Variants in RPH3A observed in about 807,000 individuals in gnomAD.
RPH3A encodes rabphilin 3A.
RPH3A carries 48 observed loss-of-function variants against 102.2 expected under a neutral mutation model. The observed-to-expected ratio is 0.47, with a 90% CI of 0.37 to 0.60. RPH3A has a LOEUF of 0.60. Ranked by LOEUF, RPH3A falls within the 20% of genes least tolerant of loss-of-function variation. The probability of loss-of-function intolerance (pLI) is 0.00; values close to 1 mark genes in which losing one functional copy is unlikely to be tolerated. For synonymous variants in RPH3A, 310 were observed against 324.3 expected (o/e 0.96, Z 0.47); for missense variants, 781 against 910.1 (o/e 0.86, Z 1.83).
At chr12:112,638,723 A>G (rs910378802) in intron 1 of RPH3A, among the ~76,000 whole-genome samples, 1 of 152,072 alleles carries the variant, frequency 6.6e-6, no homozygotes, top group Non-Finnish European at 1.5e-5. Context: ...ACCATCTCTC[A>G]CAGGACCACT....
intron 1 of RPH3A, among the ~76,000 whole-genome samples, chr12:112,692,824 T>C (rs976683698): frequency 2.6e-5 from 4 of 152,322 alleles, no homozygotes; most frequent in East Asian, 1.9e-4. Context: ...TCATTAGTCA[T>C]AGCCTTTAGT....
At chr12:112,712,579 G>A (rs901796461) in intron 1 of RPH3A, among the ~76,000 whole-genome samples, 1 of 152,084 alleles carries the variant, frequency 6.6e-6, no homozygotes, top group Non-Finnish European at 1.5e-5. Flanking sequence ...TCACAGCCCT[G>A]TCCCCAATCA....
intron 1 of RPH3A, among the ~76,000 whole-genome samples, chr12:112,613,143 G>C (rs887559041): frequency 6.6e-5 from 10 of 152,130 alleles, no homozygotes; most frequent in Non-Finnish European, 1.3e-4. Context: ...CACAGATGAG[G>C]AAACTGAGAC....
intron 1 of RPH3A, among the ~76,000 whole-genome samples, chr12:112,783,342 C>A (rs187786698): frequency 6.6e-6 from 1 of 152,112 alleles, no homozygotes; most frequent in East Asian, 1.9e-4. Flanking sequence ...CCTGGTCTCC[C>A]GTGGAGGTAA....
intron 1 of RPH3A, 37 bp downstream of exon 1, chr12:112,792,049 G>A (rs560083574): frequency 6.6e-6 from 1 of 152,202 alleles, no homozygotes; most frequent in African/African-American, 2.4e-5. Context: ...TGATTTAGGG[G>A]TAGTTGATGT....
intron 1 of RPH3A, among the ~76,000 whole-genome samples, chr12:112,593,474 G>A (rs1049268667): frequency 1.3e-5 from 2 of 152,166 alleles, no homozygotes; most frequent in Non-Finnish European, 2.9e-5. Context: ...CATCCTGACC[G>A]ATACATTCTC....
intron 1 of RPH3A, among the ~76,000 whole-genome samples, chr12:112,746,835 C>T (rs971959728): frequency 6.6e-6 from 1 of 152,114 alleles, no homozygotes; most frequent in Non-Finnish European, 1.5e-5. Context: ...CAGTCTCTCT[C>T]TGTCTCACCT....
intron 1 of RPH3A, among the ~76,000 whole-genome samples, chr12:112,783,964 A>C (rs569013082): frequency 6.6e-6 from 1 of 152,134 alleles, no homozygotes; most frequent in African/African-American, 2.4e-5. Context: ...AAAGCAAACT[A>C]GGGGCTTGAG....
intron 1 of RPH3A, among the ~76,000 whole-genome samples, chr12:112,629,238 G>A (rs1592915695): frequency 6.6e-6 from 1 of 152,266 alleles, no homozygotes. Context: ...ACAGAGCTCA[G>A]ATAGGGTATC....
rs1028917554 is a variant in RPH3A, at chr12:112,865,729, G to C, written c.360+186G>C. On this transcript the variant is annotated intron_variant, in intron 6 of 21. Coordinates refer to ENST00000389385, the MANE Select transcript of RPH3A (RefSeq NM_001143854.2). ...TGTCTTCCAACGTAACCCTGATCCT[G>C]GTTCCTCCCTGGAAGCCACTCTGAG... 3 of 559,946 alleles carry C rather than the reference G, an allele frequency of 5.4e-6. No homozygotes were observed. The African/African-American group carries it at 6.1e-5, about 11-fold the overall frequency. 34.7% of individuals were successfully genotyped at this position (559,946 alleles called of 1,614,324 possible).
intron 1 of RPH3A, among the ~76,000 whole-genome samples, chr12:112,748,137 C>T (rs1241715773): frequency 1.3e-5 from 2 of 152,174 alleles, no homozygotes; most frequent in East Asian, 3.8e-4. Flanking sequence ...ATCTGGGTGC[C>T]TGCATGAATT....
chr12:112,580,655 C>T (rs1005576902), intron 1 of RPH3A, among the ~76,000 whole-genome samples: 2 of 152,102 alleles, frequency 1.3e-5, no homozygotes, highest in African/African-American at 2.4e-5. Flanking sequence ...ATCCGCCCGC[C>T]TCGGCCTCCC....
At chr12:112,726,003 G>A (rs952111311) in intron 1 of RPH3A, among the ~76,000 whole-genome samples, 49 of 152,160 alleles carry the variant, frequency 3.2e-4, no homozygotes, top group Non-Finnish European at 6.2e-4. Flanking sequence ...CACCGTGTAA[G>A]CCAGGATGGT....
chr12:112,627,173 A>T (rs1486085119), intron 1 of RPH3A, among the ~76,000 whole-genome samples: 1 of 149,996 alleles, frequency 6.7e-6, no homozygotes, highest in African/African-American at 2.4e-5. Context: ...ACTAACCTGC[A>T]CAATGTGCAC....
intron 5 of RPH3A, among the ~76,000 whole-genome samples, chr12:112,853,304 T>C (rs544498459): frequency 1.3e-5 from 2 of 152,332 alleles, no homozygotes; most frequent in Middle Eastern, 3.4e-3. Flanking sequence ...TCTTCAACAT[T>C]CTATGGATGG....
At chr12:112,684,001 A>G (rs902634791) in intron 1 of RPH3A, among the ~76,000 whole-genome samples, 20 of 152,204 alleles carry the variant, frequency 1.3e-4, no homozygotes, top group African/African-American at 4.3e-4. Context: ...TCTGATGATA[A>G]AATACATATG....
At chr12:112,652,794 C>G (rs1566243719) in intron 1 of RPH3A, among the ~76,000 whole-genome samples, 2 of 152,198 alleles carry the variant, frequency 1.3e-5, no homozygotes, top group South Asian at 4.1e-4. Flanking sequence ...AAATAAGCAG[C>G]CAAGACCTCT....
At chr12:112,875,052 A>T in intron 10 of RPH3A, 32 bp from the exon 11 acceptor site, 1 of 1,558,096 alleles carries the variant, frequency 6.4e-7, no homozygotes, top group Non-Finnish European at 8.7e-7. Flanking sequence ...TGTGTGACAC[A>T]TAATGGCTGT....
At chr12:112,816,690 A>T (rs2041677485) in intron 2 of RPH3A, among the ~76,000 whole-genome samples, 1 of 149,170 alleles carries the variant, frequency 6.7e-6, no homozygotes, top group African/African-American at 2.6e-5. Context: ...ACGCTTGAGA[A>T]TTATATTATT....
Sources: allele counts gnomAD v4.1 joint callset (sites outside exome capture counted in the v4.1 genomes callset), GRCh38; gene constraint gnomAD v4.1.1; transcripts MANE v1.5; gene names NCBI Gene and HGNC (gene_info 2026-07-23, HGNC 2026-07-21).